The following NR2F1-AS1 variants were observed in gnomAD, a reference collection of about 807,000 sequenced individuals.
NR2F1-AS1 encodes NR2F1 regulatory antisense RNA 1.
intron 4 of NR2F1-AS1, among the ~76,000 whole-genome samples, chr5:93,414,789 G>GT (rs60491763): frequency 2.6e-5 from 4 of 152,048 alleles, no homozygotes; most frequent in African/African-American, 7.2e-5. Flanking sequence ...TTTATATAAG[G>GT]TTTTTTTGTA....
At chr5:93,571,617 T>C (rs1752770652) in intron 1 of NR2F1-AS1, among the ~76,000 whole-genome samples, 1 of 152,006 alleles carries the variant, frequency 6.6e-6, no homozygotes, top group Admixed American at 6.5e-5. Context: ...TCTTTCATCC[T>C]TGTTATGTGA....
intron 4 of NR2F1-AS1, among the ~76,000 whole-genome samples, chr5:93,512,385 C>G (rs1751316529): frequency 6.6e-6 from 1 of 152,180 alleles, no homozygotes; most frequent in East Asian, 1.9e-4. Flanking sequence ...GTGTTTTAAG[C>G]TGTTATTACA....
intron 1 of NR2F1-AS1, among the ~76,000 whole-genome samples, chr5:93,576,199 C>CT (rs764388139): frequency 5.0e-4 from 76 of 152,306 alleles, no homozygotes; most frequent in Middle Eastern, 6.8e-3. Context: ...AAGCCCTTTC[C>CT]TTTCTCTTTT....
intron 4 of NR2F1-AS1, among the ~76,000 whole-genome samples, chr5:93,468,932 G>A (rs1208434448): frequency 6.6e-6 from 1 of 152,048 alleles, no homozygotes; most frequent in Admixed American, 6.6e-5. Flanking sequence ...GTTTTTCTCA[G>A]GTTTGTCAAA....
At chr5:93,530,085 T>G (rs1751703906) in intron 4 of NR2F1-AS1, among the ~76,000 whole-genome samples, 1 of 145,630 alleles carries the variant, frequency 6.9e-6, no homozygotes, top group Non-Finnish European at 1.5e-5. Flanking sequence ...CTTTTTTTTT[T>G]TTTTTTTTTT....
chr5:93,542,527 A>G (rs1290319677), intron 4 of NR2F1-AS1: 1 of 152,184 alleles, frequency 6.6e-6, no homozygotes, highest in Non-Finnish European at 1.5e-5. Flanking sequence ...CTAGGGGAAA[A>G]AAATCATCCC....
At chr5:93,471,636 G>A (rs776923892) in intron 4 of NR2F1-AS1, among the ~76,000 whole-genome samples, 1 of 151,692 alleles carries the variant, frequency 6.6e-6, no homozygotes, top group Admixed American at 6.6e-5. Context: ...TGCTATTCAA[G>A]AATAATTGAA....
At position 93,491,861 on chromosome 5, in the gene NR2F1-AS1, C is replaced by T. The variant is rs116101159; in HGVS notation, n.638+61900G>A. ...TCCCTGGTTCTCAGGCCTTCAGACTCTTGACTGAATTGTACCACGGGCTTT... is the reference window on the plus strand; with the variant it reads ...TCCCTGGTTCTCAGGCCTTCAGACTTTTGACTGAATTGTACCACGGGCTTT... On this transcript the variant is annotated intron_variant and non_coding_transcript_variant, in intron 4 of 5. Coordinates refer to ENST00000660523, the Ensembl canonical transcript of NR2F1-AS1. 3.3e-3 allele frequency among the ~76,000 whole-genome samples: 495 copies of T among 152,306 alleles called. 4 individuals are homozygous for T. Among genetic ancestry groups the T allele is most frequent in the Non-Finnish European group, 4.7e-3 (323 of 68,022 alleles).
At position 93,543,065 on chromosome 5, in the gene NR2F1-AS1, T is replaced by G. The variant is rs1751990991; in HGVS notation, n.638+10696A>C. 1.3e-5 allele frequency: 2 copies of G among 152,218 alleles called. 1 individual carries two copies. The highest frequency in any genetic ancestry group is 4.1e-4 in the South Asian group (2 of 4,836). The allele number at this position is 152,218 out of a possible 1,614,324, so 9.4% of individuals were successfully genotyped here. Reference sequence around the variant, plus strand: ...TTTACTGACCAGGTTCTCATCACCTTGATTGATTGCGGAATTTCAAGCTAA... The same window carrying G: ...TTTACTGACCAGGTTCTCATCACCTGGATTGATTGCGGAATTTCAAGCTAA... On this transcript the variant is annotated intron_variant and non_coding_transcript_variant, in intron 4 of 5. Coordinates refer to ENST00000660523, the Ensembl canonical transcript of NR2F1-AS1.
intron 4 of NR2F1-AS1, among the ~76,000 whole-genome samples, chr5:93,483,355 G>T (rs1561461501): frequency 6.6e-6 from 1 of 152,176 alleles, no homozygotes; most frequent in Non-Finnish European, 1.5e-5. Flanking sequence ...CAGCAGAGGG[G>T]CCTAACTATT....
At chr5:93,565,317 C>T (rs1004406951) in intron 1 of NR2F1-AS1, among the ~76,000 whole-genome samples, 1 of 152,086 alleles carries the variant, frequency 6.6e-6, no homozygotes, top group African/African-American at 2.4e-5. Flanking sequence ...CAGGTGAGGA[C>T]ACTAAAACAG....
At chr5:93,516,289 T>A (rs1283886510) in intron 4 of NR2F1-AS1, among the ~76,000 whole-genome samples, 1 of 151,890 alleles carries the variant, frequency 6.6e-6, no homozygotes, top group Non-Finnish European at 1.5e-5. Flanking sequence ...ACCTGAAATC[T>A]ATGGCCCATA....
At chr5:93,489,881 C>G (rs1267612082) in intron 4 of NR2F1-AS1, among the ~76,000 whole-genome samples, 2 of 152,102 alleles carry the variant, frequency 1.3e-5, no homozygotes, top group Non-Finnish European at 2.9e-5. Flanking sequence ...GATGTTTGGT[C>G]TAGATCTTCC....
At chr5:93,417,183 A>G (rs945518695) in intron 4 of NR2F1-AS1, among the ~76,000 whole-genome samples, 1 of 152,180 alleles carries the variant, frequency 6.6e-6, no homozygotes, top group Non-Finnish European at 1.5e-5. Flanking sequence ...TATTTATACT[A>G]TTTATTAGCT....
intron 4 of NR2F1-AS1, among the ~76,000 whole-genome samples, chr5:93,429,090 CA>C (rs984229660): frequency 6.6e-6 from 1 of 152,132 alleles, no homozygotes; most frequent in African/African-American, 2.4e-5. Flanking sequence ...CTAAAGGCAG[CA>C]GAGGCAACAA....
intron 4 of NR2F1-AS1, among the ~76,000 whole-genome samples, chr5:93,421,839 T>C (rs1749095771): frequency 1.3e-5 from 2 of 152,170 alleles, no homozygotes; most frequent in Non-Finnish European, 2.9e-5. Context: ...AAATATGATT[T>C]TATTTAAGAA....
In NR2F1-AS1 at chr5:93,428,335, T is replaced by C. The variant is rs181403648; in HGVS notation, n.639-32793A>G. 7.9e-5 allele frequency among the ~76,000 whole-genome samples: 12 copies of C among 152,290 alleles called. No individual in the cohort carries two copies. In the East Asian group the frequency reaches 2.3e-3, roughly 29 times the overall value. On this transcript the variant is annotated intron_variant and non_coding_transcript_variant, in intron 4 of 5. Coordinates refer to ENST00000660523, the Ensembl canonical transcript of NR2F1-AS1. Reference sequence around the variant, plus strand: ...ACTTTATTTCATTAGACACCAATATTTGATAAAAGCAACAAGCACCAAATT... The same window carrying C: ...ACTTTATTTCATTAGACACCAATATCTGATAAAAGCAACAAGCACCAAATT...
intron 4 of NR2F1-AS1, among the ~76,000 whole-genome samples, chr5:93,441,466 G>T (rs1749568227): frequency 6.6e-6 from 1 of 152,182 alleles, no homozygotes; most frequent in Non-Finnish European, 1.5e-5. Context: ...TCCCAACAGT[G>T]CAAACAGCTG....
chr5:93,519,615 G>C (rs1466961547), intron 4 of NR2F1-AS1, among the ~76,000 whole-genome samples: 4 of 151,872 alleles, frequency 2.6e-5, no homozygotes, highest in African/African-American at 9.7e-5. Flanking sequence ...TTTTCCAAAG[G>C]ATATTTCCAA....
Sources: gnomAD v4.1 joint callset for allele counts (sites outside exome capture counted in the v4.1 genomes callset) on GRCh38, gnomAD v4.1.1 for gene constraint, MANE v1.5 for transcripts, NCBI Gene and HGNC (gene_info 2026-07-23, HGNC 2026-07-21) for gene names.